Variants in PDE8B observed in about 807,000 individuals in gnomAD.
PDE8B encodes high affinity cAMP-specific and IBMX-insensitive 3',5'-cyclic phosphodiesterase 8B.
A neutral mutation model predicts 101.3 loss-of-function variants in PDE8B; 26 were observed. The observed-to-expected ratio is 0.26, with a 90% CI of 0.19 to 0.36. The LOEUF (loss-of-function observed/expected upper bound fraction) is 0.36, where lower values mean the gene tolerates loss of function less well. Among genes scored for constraint, PDE8B ranks in the 10% least tolerant of loss-of-function variants. The pLI is 1.00. For missense variants in PDE8B, 810 were observed against 1,163.1 expected, an observed-to-expected ratio of 0.70 and a Z score of 4.42; for synonymous variants, 424 against 429.3, an observed-to-expected ratio of 0.99 and a Z score of 0.15.
intron 1 of PDE8B, among the ~76,000 whole-genome samples, chr5:77,301,169 C>A (rs536270206): frequency 2.1e-4 from 32 of 152,158 alleles, no homozygotes; most frequent in Admixed American, 3.9e-4. Flanking sequence ...CCAGGTGCTT[C>A]AGGGTCACAG....
intron 10 of PDE8B, among the ~76,000 whole-genome samples, chr5:77,371,776 T>C (rs1785120249): frequency 6.6e-6 from 1 of 152,212 alleles, no homozygotes; most frequent in South Asian, 2.1e-4. Context: ...TGTTAAGTAG[T>C]TTTCAGTATA....
the PDE8B span, among the ~76,000 whole-genome samples, chr5:77,168,237 A>T: frequency 1.7e-4 from 26 of 152,240 alleles, no homozygotes; most frequent in African/African-American, 6.3e-4. Flanking sequence ...AAGGAGTAAC[A>T]CTCTGACAGG....
chr5:77,288,210 A>G (rs192549921), intron 1 of PDE8B, among the ~76,000 whole-genome samples: 1 of 152,296 alleles, frequency 6.6e-6, no homozygotes, highest in African/African-American at 2.4e-5. Context: ...TGGGGTCCCC[A>G]TTGAAAACCT....
At chr5:77,105,988 CTT>C in the PDE8B span, 2 of 152,274 alleles carry the variant, frequency 1.3e-5, no homozygotes, top group Admixed American at 6.5e-5. Flanking sequence ...AGCAAAGGGT[CTT>C]TTCAATTATC....
At chr5:77,297,206 A>G (rs1768790761) in intron 1 of PDE8B, among the ~76,000 whole-genome samples, 2 of 152,346 alleles carry the variant, frequency 1.3e-5, no homozygotes, top group South Asian at 4.1e-4. Context: ...GCATTAATCC[A>G]TTCCTGAGGG....
At chr5:77,090,248 T>C in the PDE8B span, among the ~76,000 whole-genome samples, 1 of 152,214 alleles carries the variant, frequency 6.6e-6, no homozygotes, top group African/African-American at 2.4e-5. Context: ...TTTCTTTTTT[T>C]CTTTTTTTTG....
At chr5:77,116,825 G>C in the PDE8B span, among the ~76,000 whole-genome samples, 2 of 152,164 alleles carry the variant, frequency 1.3e-5, no homozygotes, top group Non-Finnish European at 2.9e-5. Context: ...AAGTTGTACT[G>C]TTTGTGTTTC....
chr5:77,177,769 A>G, the PDE8B span, among the ~76,000 whole-genome samples: 5,418 of 152,336 alleles, frequency 0.036, 140 homozygotes, highest in African/African-American at 0.062. Flanking sequence ...GGTAGTGGAT[A>G]TAGCATGGAG....
chr5:77,161,166 C>A, the PDE8B span, among the ~76,000 whole-genome samples: 2 of 152,218 alleles, frequency 1.3e-5, no homozygotes, highest in South Asian at 4.1e-4. Context: ...ATAACCATGA[C>A]CATAAGGAAG....
chr5:77,335,206 GT>G (rs1777908515), intron 5 of PDE8B, among the ~76,000 whole-genome samples: 2 of 152,066 alleles, frequency 1.3e-5, no homozygotes, highest in African/African-American at 4.8e-5. Flanking sequence ...ATCTTTCTAT[GT>G]TATTCCAGCA....
chr5:77,237,824 T>C (rs994011167), intron 1 of PDE8B, among the ~76,000 whole-genome samples: 22 of 152,290 alleles, frequency 1.4e-4, no homozygotes, highest in African/African-American at 5.1e-4. Flanking sequence ...AGAATGTCTT[T>C]ATTTTACCTT....
the PDE8B span, chr5:77,144,053 A>G: frequency 2.0e-5 from 3 of 152,158 alleles, no homozygotes; most frequent in Non-Finnish European, 2.9e-5. Context: ...GAATCCAGAC[A>G]TGAGAAATCT....
intron 1 of PDE8B, among the ~76,000 whole-genome samples, chr5:77,270,683 G>A (rs1350454351): frequency 6.6e-6 from 1 of 152,132 alleles, no homozygotes; most frequent in Non-Finnish European, 1.5e-5. Context: ...ATTTTTCCGG[G>A]CTCTTGTTAT....
chr5:77,353,082 T>C (rs115557637), intron 9 of PDE8B, among the ~76,000 whole-genome samples: 175 of 152,326 alleles, frequency 1.1e-3, no homozygotes, highest in African/African-American at 3.8e-3. Flanking sequence ...AACCAAACTT[T>C]AGGAGTCAGT....
intron 1 of PDE8B, among the ~76,000 whole-genome samples, chr5:77,238,338 A>C (rs1225501999): frequency 6.6e-6 from 1 of 152,048 alleles, no homozygotes; most frequent in Non-Finnish European, 1.5e-5. Flanking sequence ...CTTTTCTTCA[A>C]TCATTCTAAC....
chr5:77,376,531 C>G (rs1001450050), intron 10 of PDE8B, among the ~76,000 whole-genome samples: 1 of 152,122 alleles, frequency 6.6e-6, no homozygotes, highest in South Asian at 2.1e-4. Flanking sequence ...GGGACTGGGA[C>G]CTAACCACCT....
At chr5:77,234,383 C>T (rs1754247956) in intron 1 of PDE8B, among the ~76,000 whole-genome samples, 1 of 152,132 alleles carries the variant, frequency 6.6e-6, no homozygotes, top group Non-Finnish European at 1.5e-5. Flanking sequence ...CACCCTCACC[C>T]AACTCCACAT....
At chr5:77,213,405 A>C (rs1356180360) in intron 1 of PDE8B, among the ~76,000 whole-genome samples, 6 of 152,230 alleles carry the variant, frequency 3.9e-5, no homozygotes, top group Non-Finnish European at 5.9e-5. Flanking sequence ...AATCTTACAG[A>C]ATTATTATCA....
chr5:77,343,983 C>T (rs998980167), intron 6 of PDE8B, among the ~76,000 whole-genome samples: 3 of 151,666 alleles, frequency 2.0e-5, no homozygotes, highest in Non-Finnish European at 2.9e-5. Context: ...CTTCCCCCTC[C>T]ACATCTTGTC....
Sources: gnomAD v4.1 joint callset for allele counts (sites outside exome capture counted in the v4.1 genomes callset) on GRCh38, gnomAD v4.1.1 for gene constraint, MANE v1.5 for transcripts, NCBI Gene and HGNC (gene_info 2026-07-23, HGNC 2026-07-21) for gene names.